Variants in ZNF804B observed in about 807,000 individuals in gnomAD.
ZNF804B encodes the protein zinc finger 804B.
Under a neutral mutation model 101.4 loss-of-function variants are expected in ZNF804B, and 80 were observed. That is an observed-to-expected ratio of 0.79 (90% CI 0.66 to 0.95). ZNF804B has a LOEUF of 0.95. Ranked by LOEUF, ZNF804B falls within the 40% of genes least tolerant of loss-of-function variation. The pLI is 0.00. For missense variants in ZNF804B, 1,673 were observed against 1,561.9 expected (o/e 1.07, Z -1.20); for synonymous variants, 622 against 558.8 (o/e 1.11, Z -1.59).
chr7:89,179,512 A>C (rs1185270569), intron 1 of ZNF804B, among the ~76,000 whole-genome samples: 5 of 152,204 alleles, frequency 3.3e-5, no homozygotes, highest in African/African-American at 1.2e-4. Flanking sequence ...TCTTTCTGTT[A>C]AATTTATCTC....
chr7:88,786,458 G>A (rs1249182069), intron 1 of ZNF804B, among the ~76,000 whole-genome samples: 2 of 152,176 alleles, frequency 1.3e-5, no homozygotes, highest in East Asian at 3.9e-4. Flanking sequence ...TTTACTGAAT[G>A]CAGATATAAG....
intron 2 of ZNF804B, among the ~76,000 whole-genome samples, chr7:89,245,027 AAAAT>A (rs1789423006): frequency 6.6e-6 from 1 of 152,194 alleles, no homozygotes; most frequent in Admixed American, 6.5e-5. Flanking sequence ...AGTTCTAAGA[AAAAT>A]AAAAATCTCA....
intron 3 of ZNF804B, among the ~76,000 whole-genome samples, chr7:89,329,909 A>G (rs1171018163): frequency 6.6e-6 from 1 of 151,652 alleles, no homozygotes; most frequent in Non-Finnish European, 1.5e-5. Flanking sequence ...CACCATTTTA[A>G]AAAATCATGT....
chr7:89,330,651 G>A (rs1488696755), intron 3 of ZNF804B, among the ~76,000 whole-genome samples: 4 of 151,266 alleles, frequency 2.6e-5, no homozygotes, highest in African/African-American at 4.8e-5. Context: ...AATTTATAAA[G>A]CAACAAGATA....
intron 1 of ZNF804B, among the ~76,000 whole-genome samples, chr7:88,982,031 A>T (rs1793700445): frequency 6.6e-6 from 1 of 151,738 alleles, no homozygotes; most frequent in African/African-American, 2.4e-5. Context: ...TCTCGGGAGG[A>T]TGATCACTGG....
intron 1 of ZNF804B, among the ~76,000 whole-genome samples, chr7:89,014,032 CT>C (rs1468772488): frequency 6.6e-6 from 1 of 152,024 alleles, no homozygotes; most frequent in Non-Finnish European, 1.5e-5. Context: ...GCAGATATGT[CT>C]TTGATATTTT....
At chr7:89,120,256 C>T (rs1790380454) in intron 1 of ZNF804B, among the ~76,000 whole-genome samples, 1 of 151,934 alleles carries the variant, frequency 6.6e-6, no homozygotes, top group African/African-American at 2.4e-5. Flanking sequence ...CCACTGCACT[C>T]CAGCCTGGGC....
chr7:89,253,200 C>A (rs1298246148), intron 2 of ZNF804B, among the ~76,000 whole-genome samples: 4 of 151,914 alleles, frequency 2.6e-5, no homozygotes, highest in Admixed American at 2.6e-4. Flanking sequence ...AAAGTTAAAG[C>A]TAAGTATCCA....
chr7:89,329,507 C>A (rs1348404439), intron 3 of ZNF804B, among the ~76,000 whole-genome samples: 3 of 151,604 alleles, frequency 2.0e-5, no homozygotes, highest in Non-Finnish European at 4.4e-5. Flanking sequence ...ATAGGATGAT[C>A]CAGGTAACAC....
At chr7:88,931,187 A>G (rs1412033694) in intron 1 of ZNF804B, among the ~76,000 whole-genome samples, 2 of 151,912 alleles carry the variant, frequency 1.3e-5, no homozygotes, top group East Asian at 1.9e-4. Flanking sequence ...GCTTAAAACT[A>G]TTCATAAAAT....
intron 2 of ZNF804B, among the ~76,000 whole-genome samples, chr7:89,295,449 T>C (rs1183963433): frequency 2.6e-5 from 4 of 152,160 alleles, no homozygotes; most frequent in African/African-American, 9.7e-5. Flanking sequence ...TGCAAATGCT[T>C]TATACTCCTA....
chr7:88,950,541 A>G (rs1793202836), intron 1 of ZNF804B, among the ~76,000 whole-genome samples: 1 of 151,894 alleles, frequency 6.6e-6, no homozygotes, highest in Non-Finnish European at 1.5e-5. Flanking sequence ...TAGAACATAT[A>G]AGACTTAATG....
chr7:89,301,063 T>C (rs1450116576), intron 2 of ZNF804B, among the ~76,000 whole-genome samples: 3 of 150,024 alleles, frequency 2.0e-5, no homozygotes, highest in Non-Finnish European at 4.4e-5. Flanking sequence ...CTTATATTTA[T>C]GTAGAGAATT....
chr7:88,963,231 C>CA (rs1297895307), intron 1 of ZNF804B, among the ~76,000 whole-genome samples: 2 of 151,294 alleles, frequency 1.3e-5, no homozygotes, highest in South Asian at 2.1e-4. Flanking sequence ...TATAAAAAAA[C>CA]AAAGTTGAGA....
At chr7:89,219,676 C>G (rs1465346064) in intron 2 of ZNF804B, among the ~76,000 whole-genome samples, 1 of 151,404 alleles carries the variant, frequency 6.6e-6, no homozygotes, top group Non-Finnish European at 1.5e-5. Context: ...AAGATTATTG[C>G]TAACAGCTGT....
At chr7:89,303,240 A>G (rs370499136) in intron 2 of ZNF804B, among the ~76,000 whole-genome samples, 2 of 152,086 alleles carry the variant, frequency 1.3e-5, no homozygotes, top group Admixed American at 6.6e-5. Context: ...TGGCATGAAG[A>G]CATTCTAAAT....
At chr7:89,237,238 C>T (rs117121311) in intron 2 of ZNF804B, among the ~76,000 whole-genome samples, 17 of 152,086 alleles carry the variant, frequency 1.1e-4, no homozygotes, top group Non-Finnish European at 2.5e-4. Flanking sequence ...ATATAGTTAG[C>T]TGATTAGAAG....
chr7:89,169,765 G>T (rs1184551725), intron 1 of ZNF804B, among the ~76,000 whole-genome samples: 1 of 152,076 alleles, frequency 6.6e-6, no homozygotes, highest in East Asian at 1.9e-4. Context: ...ATAATTAGAA[G>T]TAACAAGTAT....
chr7:88,967,628 G>A (rs1288253549), intron 1 of ZNF804B, among the ~76,000 whole-genome samples: 3 of 150,920 alleles, frequency 2.0e-5, no homozygotes, highest in African/African-American at 7.3e-5. Context: ...CCGTGGGGAG[G>A]CAGTCTAGAG....
Sources: gnomAD v4.1 joint callset for allele counts (sites outside exome capture counted in the v4.1 genomes callset) on GRCh38, gnomAD v4.1.1 for gene constraint, MANE v1.5 for transcripts, NCBI Gene and HGNC (gene_info 2026-07-23, HGNC 2026-07-21) for gene names.